The following AIG1 variants were observed in gnomAD, a reference collection of about 807,000 sequenced individuals.
AIG1 encodes androgen-induced gene 1 protein.
In AIG1, 23 loss-of-function variants were observed where a neutral mutation model predicts 31.4. The ratio of observed to expected loss-of-function variants is 0.73; its 90% CI spans 0.53 to 1.04. The LOEUF is 1.04. AIG1 is among the 50% of genes least tolerant of loss of function. The pLI is 0.00. For synonymous variants in AIG1, 100 were observed against 110.5 expected (o/e 0.90, Z 0.60); for missense variants, 274 against 295.0 (o/e 0.93, Z 0.52).
chr6:143,277,953 G>A (rs193057373), intron 3 of AIG1, among the ~76,000 whole-genome samples: 12 of 152,226 alleles, frequency 7.9e-5, no homozygotes, highest in East Asian at 3.9e-4. Flanking sequence ...TAATTCATCC[G>A]TCTGACTTGC....
chr6:143,320,650 G>A lies in AIG1; in HGVS notation c.516-12632G>A, dbSNP rs371054579. ...AGAATATAAAATAGCCAAAGTCATA[G>A]AAGCAGAGAGTAGAATGGTGGTTAC... On this transcript the variant is annotated intron_variant, in intron 4 of 5. Transcript: ENST00000357847. Among the ~76,000 whole-genome samples the A allele has an allele frequency of 4.6e-5, 7 of 152,228 alleles. No individual in the cohort carries two copies. The East Asian group carries it at 1.2e-3, about 25-fold the overall frequency.
chr6:143,190,442 T>A (rs1447149408), intron 3 of AIG1: 1 of 985,332 alleles, frequency 1.0e-6, no homozygotes, highest in Admixed American at 6.1e-5. Flanking sequence ...ATTTTAGAGA[T>A]GAGAGAAGTA....
At chr6:143,154,773 G>A (rs1188782683) in intron 2 of AIG1, among the ~76,000 whole-genome samples, 1 of 152,138 alleles carries the variant, frequency 6.6e-6, no homozygotes, top group African/African-American at 2.4e-5. Flanking sequence ...GGATACACAG[G>A]AACACTGTGT....
chr6:143,223,283 T>C (rs1390809301), intron 3 of AIG1, among the ~76,000 whole-genome samples: 2 of 152,116 alleles, frequency 1.3e-5, no homozygotes, highest in Admixed American at 6.5e-5. Flanking sequence ...CGTTCCAAAA[T>C]GTGGCCTCCC....
At chr6:143,248,328 TA>T (rs1365067242) in intron 3 of AIG1, among the ~76,000 whole-genome samples, 3 of 152,154 alleles carry the variant, frequency 2.0e-5, no homozygotes, top group Non-Finnish European at 4.4e-5. Flanking sequence ...ATGGAACACA[TA>T]AGGGCCTTCC....
At chr6:143,341,553 G>A (rs751305193), downstream of AIG1, among the ~76,000 whole-genome samples, 4 of 152,130 alleles carry the variant, frequency 2.6e-5, no homozygotes, top group Non-Finnish European at 5.9e-5. Context: ...ACACACAAAG[G>A]GACACCAGGA....
downstream of AIG1, chr6:143,342,124 A>G: frequency 2.1e-6 from 1 of 466,456 alleles, no homozygotes; most frequent in Non-Finnish European, 3.9e-6. Flanking sequence ...GGGTTTCTCC[A>G]TGTTGGTCAG....
chr6:143,168,805 A>G (rs935684532), intron 3 of AIG1, among the ~76,000 whole-genome samples: 1 of 152,128 alleles, frequency 6.6e-6, no homozygotes, highest in African/African-American at 2.4e-5. Context: ...CCCTGTCTCA[A>G]GAACAAAAAA....
intron 3 of AIG1, among the ~76,000 whole-genome samples, chr6:143,252,318 A>G (rs1795065439): frequency 6.6e-6 from 1 of 151,952 alleles, no homozygotes; most frequent in African/African-American, 2.4e-5. Flanking sequence ...ATGGGGTTTC[A>G]CCATGTTGGC....
chr6:143,251,634 A>G (rs1795020305), intron 3 of AIG1, among the ~76,000 whole-genome samples: 1 of 152,178 alleles, frequency 6.6e-6, no homozygotes, highest in African/African-American at 2.4e-5. Context: ...CTGAATGAAT[A>G]AATAAATTCA....
At chr6:143,142,811 G>C (rs950656115) in intron 2 of AIG1, among the ~76,000 whole-genome samples, 1 of 152,110 alleles carries the variant, frequency 6.6e-6, no homozygotes, top group African/African-American at 2.4e-5. Flanking sequence ...CTTGTAATGG[G>C]ACTGTATGGT....
At chr6:143,319,332 G>A (rs1325591877) in intron 4 of AIG1, among the ~76,000 whole-genome samples, 1 of 152,132 alleles carries the variant, frequency 6.6e-6, no homozygotes, top group East Asian at 1.9e-4. Flanking sequence ...GCAGCAACTT[G>A]GATGGAATGG....
At chr6:143,243,459 T>C (rs1562520261) in intron 3 of AIG1, among the ~76,000 whole-genome samples, 1 of 152,266 alleles carries the variant, frequency 6.6e-6, no homozygotes, top group Non-Finnish European at 1.5e-5. Context: ...TACACTTGCT[T>C]GGAACCCTAG....
intron 3 of AIG1, among the ~76,000 whole-genome samples, chr6:143,230,657 A>G (rs1320109023): frequency 6.6e-6 from 1 of 151,630 alleles, no homozygotes; most frequent in Non-Finnish European, 1.5e-5. Context: ...CATTTTAATA[A>G]TAATATATAT....
intron 3 of AIG1, among the ~76,000 whole-genome samples, chr6:143,245,460 C>T (rs1794554423): frequency 6.6e-6 from 1 of 152,062 alleles, no homozygotes; most frequent in African/African-American, 2.4e-5. Context: ...TTATTGATAC[C>T]ATAATGGAAT....
intron 4 of AIG1, among the ~76,000 whole-genome samples, chr6:143,308,313 G>A (rs1219590130): frequency 1.3e-5 from 2 of 152,236 alleles, no homozygotes; most frequent in East Asian, 3.9e-4. Flanking sequence ...CACGCTGGGA[G>A]CTGTAGACCG....
At chr6:143,181,914 TAAAG>T (rs1788759254) in intron 3 of AIG1, among the ~76,000 whole-genome samples, 1 of 152,170 alleles carries the variant, frequency 6.6e-6, no homozygotes, top group Non-Finnish European at 1.5e-5. Context: ...TGTTCTAGCA[TAAAG>T]AAAGCAGAAT....
chr6:143,171,485 T>C (rs2128573416), intron 3 of AIG1, among the ~76,000 whole-genome samples: 1 of 121,902 alleles, frequency 8.2e-6, no homozygotes, highest in African/African-American at 3.3e-5. Flanking sequence ...ATAATATATA[T>C]TAAATATATA....
intron 3 of AIG1, among the ~76,000 whole-genome samples, chr6:143,231,104 G>A (rs1489049441): frequency 6.6e-6 from 1 of 152,178 alleles, no homozygotes; most frequent in East Asian, 1.9e-4. Context: ...ATATCATATA[G>A]TATTGTGTAA....
Sources: allele counts gnomAD v4.1 joint callset (sites outside exome capture counted in the v4.1 genomes callset), GRCh38; gene constraint gnomAD v4.1.1; transcripts MANE v1.5; gene names NCBI Gene and HGNC (gene_info 2026-07-23, HGNC 2026-07-21).